The following ANKRD26 variants were observed in gnomAD, a reference collection of about 807,000 sequenced individuals.
ANKRD26 encodes the protein ankyrin repeat domain 26.
In ANKRD26, 141 loss-of-function variants were observed where a neutral mutation model predicts 208.7. That is an observed-to-expected ratio of 0.68 (90% CI 0.59 to 0.78). The LOEUF is 0.78. Among genes scored for constraint, ANKRD26 ranks in the 30% least tolerant of loss-of-function variants. ANKRD26 has a pLI of 0.00. For synonymous variants in ANKRD26, 636 were observed against 660.4 expected (o/e 0.96, Z 0.57); for missense variants, 1,889 against 1,938.7 (o/e 0.97, Z 0.48).
chr10:27,011,493 T>C (rs1469940129), intron 32 of ANKRD26, among the ~76,000 whole-genome samples: 2 of 149,428 alleles, frequency 1.3e-5, no homozygotes, highest in African/African-American at 5.2e-5. Flanking sequence ...TTAAACTGGA[T>C]CAAGCATAGT....
intron 16 of ANKRD26, chr10:27,052,134 A>G (rs980969950): frequency 1.0e-6 from 1 of 984,138 alleles, no homozygotes; most frequent in African/African-American, 1.7e-5. Context: ...TGTTTTTAAA[A>G]TAACTTTATC....
chr10:27,086,652 C>CA (rs775168176), intron 4 of ANKRD26, 43 bp from the exon 5 acceptor site: 9 of 1,542,994 alleles, frequency 5.8e-6, no homozygotes, highest in Non-Finnish European at 7.9e-6. Flanking sequence ...AATACTGATA[C>CA]AAAAAATATT....
rs772065964 is a variant in ANKRD26, at chr10:27,077,342, A to G, written c.1073T>C (p.Met358Thr). The stretch of plus-strand genomic sequence containing the variant: ...GTTTTTTAAAAAACAACTTACCTTC[A>G]TAAGACCAGGGTTTGCTAACGACTT... ...SHKSLANPGL[M>T]KEEPTKPGIA... Residue 358 changes from methionine (M) to threonine (T), a missense_variant, in exon 9 of 34, where the codon ATG becomes ACG. Physicochemically the swap from Met to Thr is moderately conservative, Grantham distance 81. This residue lies in a region of ANKRD26 where 1,272 missense variants were observed against 1,273.8 expected (regional missense o/e 1.00). Transcript: ENST00000376087. 1 of 1,612,922 alleles carries G rather than the reference A, an allele frequency of 6.2e-7. No homozygotes were observed. The highest frequency in any genetic ancestry group is 1.1e-5 in the South Asian group (1 of 91,056).
At chr10:27,005,898 A>C (rs988464074) in intron 33 of ANKRD26, among the ~76,000 whole-genome samples, 175 bp from the exon 34 acceptor site, 1 of 152,234 alleles carries the variant, frequency 6.6e-6, no homozygotes, top group Admixed American at 6.5e-5. Context: ...TTGCACACTG[A>C]ATTAATTATC....
intron 19 of ANKRD26, 135 bp downstream of exon 19, chr10:27,044,022 G>A: frequency 1.6e-6 from 1 of 635,714 alleles, no homozygotes; most frequent in African/African-American, 1.9e-5. Context: ...TCAAATTCCT[G>A]GAGTCAAGCA....
Position 27,043,521 on chromosome 10 carries a change from T to C in ANKRD26, c.2066A>G (p.Gln689Arg). Residue 689 changes from glutamine (Q) to arginine (R), a missense_variant, in exon 20 of 34, where the codon CAG becomes CGG. Gln to Arg is a conservative substitution (Grantham distance 43, BLOSUM62 1). Transcript: ENST00000376087. Reference protein sequence around the residue: ...QSMDDVDDLTQSSETASEDCE... With the variant: ...QSMDDVDDLTRSSETASEDCE... ...ATCCTCTGAGGCTGTTTCAGATGAC[T>C]GAGTTAAGTCATCAACATCATCCAT... 1 of 1,613,950 alleles carries C rather than the reference T, an allele frequency of 6.2e-7. No homozygotes were observed. The highest frequency in any genetic ancestry group is 8.5e-7 in the Non-Finnish European group (1 of 1,179,886).
Position 27,005,353 on chromosome 10 carries a change from T to TA in ANKRD26, c.*236dup, listed in dbSNP as rs935534519. On this transcript the variant is annotated 3_prime_UTR_variant, in exon 34 of 34. Coordinates refer to ENST00000376087, the MANE Select transcript of ANKRD26 (RefSeq NM_014915.3). ...ATGACAACTTAGTGGTTTGGCTGTT[T>TA]AAACAGCTCACATTTGGGCAGTTTG... is the stretch of plus-strand genomic sequence containing the variant. 8.2e-6 allele frequency: 10 copies of TA among 1,221,812 alleles called. No homozygotes were observed. The African/African-American group carries it at 1.6e-4, about 19-fold the overall frequency. 75.7% of individuals were successfully genotyped at this position (1,221,812 alleles called of 1,614,324 possible). A position where few individuals can be genotyped will look rare whatever the true frequency, so the allele number is the denominator to read the frequency against.
In ANKRD26 at chr10:27,037,241, T is replaced by C. The variant is rs926871139; in HGVS notation, c.2642A>G (p.Asn881Ser). The stretch of plus-strand genomic sequence containing the variant: ...AATCTCCTTTTGTTTGGAAAGGTGA[T>C]TGGTCAGAATTCCATCTTGTAACAT... ...ARMLQDGILT[N>S]HLSKQKEIEM... Residue 881 changes from asparagine (N) to serine (S), a missense_variant, in exon 23 of 34, where the codon AAT (asparagine) becomes AGT (serine). Coordinates refer to ENST00000376087, the MANE Select transcript of ANKRD26 (RefSeq NM_014915.3). The C allele has an allele frequency of 8.1e-6, 13 of 1,613,742 alleles. No homozygotes were observed. Among genetic ancestry groups the C allele is most frequent in the East Asian group, 6.7e-5 (3 of 44,846 alleles).
intron 17 of ANKRD26, among the ~76,000 whole-genome samples, chr10:27,047,210 G>A (rs2054478269): frequency 6.6e-6 from 1 of 152,126 alleles, no homozygotes; most frequent in East Asian, 1.9e-4. Context: ...CATATAACAT[G>A]GAAGAAGAAA....
At chr10:27,046,641 T>C in intron 17 of ANKRD26, 118 bp from the exon 18 acceptor site, 2 of 929,634 alleles carry the variant, frequency 2.2e-6, no homozygotes, top group Non-Finnish European at 3.2e-6. Context: ...GCCAATGTTT[T>C]CTAGTAATTC....
At chr10:27,061,923 T>A (rs2055071816) in intron 12 of ANKRD26, 1 of 982,708 alleles carries the variant, frequency 1.0e-6, no homozygotes, top group Non-Finnish European at 1.2e-6. Context: ...TCACTGTAGT[T>A]TACCCCAATT....
chr10:26,988,854 T>C (rs1293344455), downstream of ANKRD26, among the ~76,000 whole-genome samples: 1 of 145,902 alleles, frequency 6.9e-6, no homozygotes, highest in Non-Finnish European at 1.5e-5. Context: ...AAGACCAGCC[T>C]AGGCAACATA....
chr10:27,047,145 T>C (rs2054475891), intron 17 of ANKRD26, among the ~76,000 whole-genome samples: 1 of 152,218 alleles, frequency 6.6e-6, no homozygotes, highest in African/African-American at 2.4e-5. Context: ...AACATCATAA[T>C]GTTTCATTTA....
At chr10:26,949,556 A>G in the ANKRD26 span, among the ~76,000 whole-genome samples, 1 of 152,074 alleles carries the variant, frequency 6.6e-6, no homozygotes, top group South Asian at 2.1e-4. Context: ...CCCAGGCTGG[A>G]GTGCAGTGGC....
intron 5 of ANKRD26, among the ~76,000 whole-genome samples, chr10:26,994,667 T>C (rs2052551742): frequency 6.6e-6 from 1 of 152,234 alleles, no homozygotes; most frequent in Non-Finnish European, 1.5e-5. Context: ...TTCAGTGGTG[T>C]CCAATTTAGA....
At chr10:26,986,807 T>C (rs2052396695) in intron 3 of ANKRD26, among the ~76,000 whole-genome samples, 2 of 152,244 alleles carry the variant, frequency 1.3e-5, no homozygotes, top group South Asian at 2.1e-4. Context: ...TGTGGAGAAA[T>C]AGGAACACTT....
chr10:27,012,140 C>T (rs2053134115), intron 32 of ANKRD26, among the ~76,000 whole-genome samples: 1 of 152,170 alleles, frequency 6.6e-6, no homozygotes, highest in Non-Finnish European at 1.5e-5. Context: ...CATTCATTCA[C>T]TTATGATTAA....
downstream of ANKRD26, among the ~76,000 whole-genome samples, chr10:26,973,268 A>AT (rs994184079): frequency 5.3e-5 from 8 of 152,134 alleles, no homozygotes; most frequent in Non-Finnish European, 7.4e-5. Context: ...TGCTTTATCC[A>AT]TTTTGAGTCT....
At chr10:27,009,155 A>AAG (rs2053002954) in intron 32 of ANKRD26, among the ~76,000 whole-genome samples, 1 of 152,062 alleles carries the variant, frequency 6.6e-6, no homozygotes, top group Non-Finnish European at 1.5e-5. Context: ...TGAATATTTT[A>AAG]CCACATAAAT....
Sources: allele counts gnomAD v4.1 joint callset (sites outside exome capture counted in the v4.1 genomes callset), GRCh38; gene constraint gnomAD v4.1.1; regional missense constraint gnomAD v4.1.1; transcripts MANE v1.5; gene names NCBI Gene and HGNC (gene_info 2026-07-23, HGNC 2026-07-21).